CUL5: variants seen among roughly 807,000 people sequenced by gnomAD.
CUL5 encodes the protein cullin 5.
CUL5 carries 26 observed loss-of-function variants against 108.8 expected under a neutral mutation model. That is an observed-to-expected ratio of 0.24 (90% CI 0.18 to 0.33). The LOEUF (loss-of-function observed/expected upper bound fraction) is 0.33. Among genes scored for constraint, CUL5 ranks in the 10% least tolerant of loss-of-function variants. The pLI, the probability that CUL5 is intolerant of heterozygous loss-of-function variation, is 1.00. For missense variants in CUL5, 524 were observed against 909.2 expected, an observed-to-expected ratio of 0.58 and a Z score of 5.45; for synonymous variants, 334 against 298.0, an observed-to-expected ratio of 1.12 and a Z score of -1.25.
At chr11:108,032,393 A>G (rs1161182191) in intron 1 of CUL5, among the ~76,000 whole-genome samples, 4 of 152,130 alleles carry the variant, frequency 2.6e-5, no homozygotes, top group Non-Finnish European at 4.4e-5. Flanking sequence ...GTGTAGTCCC[A>G]GCTACTTGGG....
At chr11:108,095,470 A>G (rs573373747) in intron 15 of CUL5, 60 bp from the exon 16 acceptor site, 1 of 1,133,226 alleles carries the variant, frequency 8.8e-7, no homozygotes, top group Non-Finnish European at 1.3e-6. Flanking sequence ...TTCATGTCAT[A>G]GATATTAAGA....
chr11:108,012,080 C>T (rs183487264), intron 1 of CUL5, among the ~76,000 whole-genome samples: 2 of 152,308 alleles, frequency 1.3e-5, no homozygotes, highest in East Asian at 3.9e-4. Flanking sequence ...GGTTTTGTAT[C>T]TCTGAAAACC....
chr11:108,103,511 A>T (rs1395746338), intron 18 of CUL5, among the ~76,000 whole-genome samples: 1 of 152,218 alleles, frequency 6.6e-6, no homozygotes, highest in Non-Finnish European at 1.5e-5. Context: ...ATATATAAAG[A>T]GTACTACTTA....
intron 7 of CUL5, among the ~76,000 whole-genome samples, chr11:108,068,283 A>G (rs911923498): frequency 1.3e-5 from 2 of 152,052 alleles, no homozygotes; most frequent in South Asian, 2.1e-4. Flanking sequence ...CATCAGCATC[A>G]TTCTTGTAGA....
intron 2 of CUL5, among the ~76,000 whole-genome samples, chr11:108,044,151 G>A (rs1190981273): frequency 6.6e-6 from 1 of 152,088 alleles, no homozygotes; most frequent in Admixed American, 6.6e-5. Context: ...TTATCAAGCT[G>A]AATTGAACCA....
chr11:108,046,247 G>A (rs1476224449), intron 2 of CUL5, 23 bp from the exon 3 acceptor site: 2 of 1,501,112 alleles, frequency 1.3e-6, no homozygotes, highest in South Asian at 2.3e-5. Context: ...ATTAATGTTT[G>A]TTTACCTACT....
chr11:108,037,323 C>G (rs1209829953), intron 2 of CUL5, among the ~76,000 whole-genome samples: 2 of 152,112 alleles, frequency 1.3e-5, no homozygotes, highest in African/African-American at 2.4e-5. Flanking sequence ...TTTATAGCCA[C>G]CCAAGCAGCA....
At chr11:108,052,521 CA>C (rs1428843030) in intron 4 of CUL5, 138 bp from the exon 5 acceptor site, 4 of 690,862 alleles carry the variant, frequency 5.8e-6, no homozygotes, top group Non-Finnish European at 9.2e-6. Context: ...CTCGGCCTCC[CA>C]AATTGTTGGG....
chr11:108,083,081 G>T (rs1252013122), intron 11 of CUL5, among the ~76,000 whole-genome samples: 1 of 152,094 alleles, frequency 6.6e-6, no homozygotes, highest in African/African-American at 2.4e-5. Flanking sequence ...TTTCCAGTTT[G>T]GTTCTATTTT....
At chr11:108,028,903 A>G (rs1196171717) in intron 1 of CUL5, among the ~76,000 whole-genome samples, 2 of 152,210 alleles carry the variant, frequency 1.3e-5, no homozygotes, top group African/African-American at 4.8e-5. Context: ...CTTATAGTAG[A>G]AACCAAAGTC....
intron 1 of CUL5, among the ~76,000 whole-genome samples, chr11:108,028,199 A>G (rs1862496709): frequency 6.6e-6 from 1 of 152,240 alleles, no homozygotes; most frequent in Non-Finnish European, 1.5e-5. Context: ...TAGATATGTT[A>G]AATGTAATAC....
chr11:108,051,479 G>A (rs940005481), intron 4 of CUL5, among the ~76,000 whole-genome samples: 2 of 152,178 alleles, frequency 1.3e-5, no homozygotes, highest in African/African-American at 4.8e-5. Context: ...AGATTATGAG[G>A]ATTAAATGAG....
At position 108,009,998 on chromosome 11, in the gene CUL5, T is replaced by C. The variant is rs140705501; in HGVS notation, c.24+626T>C. Among the ~76,000 whole-genome samples the C allele has an allele frequency of 3.7e-3, 568 of 152,350 alleles. 3 individuals are homozygous for C. Among genetic ancestry groups the C allele is most frequent in the African/African-American group, 0.013 (555 of 41,574 alleles). On this transcript the variant is annotated intron_variant, in intron 1 of 18. Transcript: ENST00000393094. The stretch of plus-strand genomic sequence containing the variant: ...CAGGACACAACCAGATGACAACTGA[T>C]GAAGCGATACCATCGTTTTAGGGCG...
chr11:108,095,534 C>T lies in CUL5; in HGVS notation c.1748C>T (p.Thr583Ile), dbSNP rs1211471171. 13 of 1,593,870 alleles carry T rather than the reference C, an allele frequency of 8.2e-6. No homozygotes were observed. The highest frequency in any genetic ancestry group is 1.0e-5 in the Non-Finnish European group (12 of 1,164,420). ...WHHLMSNGII[T>I]FKNEVGQYDL... ...AATCTGTTTTATCTATTATAGATAACATTTAAGAATGAAGTTGGTCAATAT... is the reference window on the plus strand; with the variant it reads ...AATCTGTTTTATCTATTATAGATAATATTTAAGAATGAAGTTGGTCAATAT... The change falls in exon 16 of 19, where the codon ACA (threonine) becomes ATA (isoleucine). Residue 583 changes from threonine to isoleucine, a missense_variant. Thr to Ile is a moderately conservative substitution (Grantham distance 89). Coordinates refer to ENST00000393094, the MANE Select transcript of CUL5 (RefSeq NM_003478.6).
At chr11:108,042,830 T>G (rs182540889) in intron 2 of CUL5, among the ~76,000 whole-genome samples, 1 of 152,128 alleles carries the variant, frequency 6.6e-6, no homozygotes, top group Admixed American at 6.5e-5. Flanking sequence ...AAGTGCAGTC[T>G]TCGCTCACTG....
intron 5 of CUL5, among the ~76,000 whole-genome samples, chr11:108,053,602 T>C (rs1200355612): frequency 1.3e-5 from 2 of 152,140 alleles, no homozygotes; most frequent in East Asian, 1.9e-4. Flanking sequence ...TTAACCCATA[T>C]GGTGTTCATA....
chr11:108,017,053 C>A (rs1481866443), intron 1 of CUL5, among the ~76,000 whole-genome samples: 1 of 152,068 alleles, frequency 6.6e-6, no homozygotes, highest in Non-Finnish European at 1.5e-5. Flanking sequence ...GTGGTTTGTT[C>A]ATTCCATAAA....
intron 1 of CUL5, among the ~76,000 whole-genome samples, chr11:108,013,367 C>T (rs918493316): frequency 6.6e-6 from 1 of 152,178 alleles, no homozygotes; most frequent in Non-Finnish European, 1.5e-5. Context: ...AGCTCTAGAT[C>T]AAAATGCAGT....
intron 2 of CUL5, among the ~76,000 whole-genome samples, chr11:108,035,442 A>G (rs373400120): frequency 5.3e-5 from 8 of 152,254 alleles, no homozygotes; most frequent in African/African-American, 1.7e-4. Flanking sequence ...TTAAATATTC[A>G]GTAATCTTTG....
Sources: gnomAD v4.1 joint callset for allele counts (sites outside exome capture counted in the v4.1 genomes callset) on GRCh38, gnomAD v4.1.1 for gene constraint, MANE v1.5 for transcripts, NCBI Gene and HGNC (gene_info 2026-07-23, HGNC 2026-07-21) for gene names.